WDR20: variants seen among roughly 807,000 people sequenced by gnomAD.
WDR20 encodes the protein WD repeat domain 20, also known as WD repeat-containing protein 20.
Under a neutral mutation model 38.7 loss-of-function variants are expected in WDR20, and 3 were observed. That is an observed-to-expected ratio of 0.08 (90% CI 0.04 to 0.20). The LOEUF (loss-of-function observed/expected upper bound fraction) is 0.20, where lower values mean the gene tolerates loss of function less well. WDR20 is among the 10% of genes least tolerant of loss of function. The pLI is 1.00. For missense variants in WDR20, 559 were observed against 727.7 expected (o/e 0.77, Z 2.67); for synonymous variants, 298 against 285.6 (o/e 1.04, Z -0.44).
intron 2 of WDR20, among the ~76,000 whole-genome samples, chr14:102,200,467 T>TTTTTTTTTGTGTGTGTG (rs748066838): frequency 8.5e-6 from 1 of 117,774 alleles, no homozygotes; most frequent in African/African-American, 3.1e-5. Context: ...ATTTTTTTTT[T>TTTTTTTTTGTGTGTGTG]TGTGTGTGTG....
chr14:102,168,987 T>C (rs2060304724), intron 1 of WDR20, among the ~76,000 whole-genome samples: 2 of 152,190 alleles, frequency 1.3e-5, no homozygotes, highest in African/African-American at 2.4e-5. Context: ...CTTAAAACTT[T>C]CTAATGTGTT....
rs2061887890 is a variant in WDR20, at chr14:102,208,095, G to T, written c.433-508G>T. On this transcript the variant is annotated intron_variant, in intron 2 of 2. Transcript: ENST00000342702. This position sits in a 1 kb window ranked among gnomAD's most constrained non-coding sequence, Gnocchi z 5.6. ...TCCCCACCTTCGAGCCGCCAGAGCA[G>T]AGGGGCAGATGGAACCAGCCCATTA... Among the ~76,000 whole-genome samples the T allele has an allele frequency of 6.6e-6, 1 of 152,244 alleles. No individual in the cohort carries two copies. Among genetic ancestry groups the T allele is most frequent in the Non-Finnish European group, 1.5e-5 (1 of 68,036 alleles).
At chr14:102,166,288 T>C (rs2059769731) in intron 1 of WDR20, among the ~76,000 whole-genome samples, 1 of 152,214 alleles carries the variant, frequency 6.6e-6, no homozygotes, top group Admixed American at 6.5e-5. Context: ...TTTTAACTGA[T>C]TAATTTATTT....
At chr14:102,155,406 G>A (rs906659187) in intron 1 of WDR20, among the ~76,000 whole-genome samples, 10 of 152,320 alleles carry the variant, frequency 6.6e-5, no homozygotes, top group Middle Eastern at 3.4e-3. Context: ...GGATAAGGGG[G>A]AACTGGGTAA....
At chr14:102,154,582 T>A (rs1217082103) in intron 1 of WDR20, among the ~76,000 whole-genome samples, 1 of 152,232 alleles carries the variant, frequency 6.6e-6, no homozygotes, top group Non-Finnish European at 1.5e-5. Flanking sequence ...TACTTATGTA[T>A]GCATTTGTCT....
At chr14:102,219,649 G>T (rs1212464151), downstream of WDR20, among the ~76,000 whole-genome samples, 1 of 152,244 alleles carries the variant, frequency 6.6e-6, no homozygotes, top group African/African-American at 2.4e-5. Context: ...AAGCACCCTG[G>T]GGTCCTCTTG....
intron 1 of WDR20, among the ~76,000 whole-genome samples, chr14:102,186,676 G>A (rs1156958958): frequency 6.6e-6 from 1 of 152,076 alleles, no homozygotes; most frequent in Admixed American, 6.5e-5. Flanking sequence ...CAAGGGCCGG[G>A]CGCAGTGGCT....
intron 2 of WDR20, among the ~76,000 whole-genome samples, chr14:102,198,912 G>A (rs2059852495): frequency 1.3e-5 from 2 of 152,184 alleles, no homozygotes; most frequent in South Asian, 4.1e-4. Flanking sequence ...CGAGAGACCT[G>A]TAGATAGTGG....
intron 1 of WDR20, among the ~76,000 whole-genome samples, chr14:102,179,376 A>G (rs924764957): frequency 1.3e-5 from 2 of 151,298 alleles, no homozygotes; most frequent in African/African-American, 2.4e-5. Flanking sequence ...TGAGGTGTAA[A>G]TTGGTATACT....
chr14:102,215,237 C>T (rs535217081), downstream of WDR20, among the ~76,000 whole-genome samples: 1 of 152,338 alleles, frequency 6.6e-6, no homozygotes, highest in African/African-American at 2.4e-5. Context: ...CTCCTCTGTG[C>T]CAACTCCAGT....
chr14:102,160,077 C>T (rs142925887), intron 1 of WDR20, among the ~76,000 whole-genome samples: 3 of 152,268 alleles, frequency 2.0e-5, no homozygotes, highest in Non-Finnish European at 4.4e-5. Context: ...GCACTCCACC[C>T]TGAGTAACAG....
chr14:102,160,510 A>G (rs10130656), intron 1 of WDR20, among the ~76,000 whole-genome samples: 15,528 of 152,110 alleles, frequency 0.1, 1,953 homozygotes, highest in African/African-American at 0.29. Flanking sequence ...TTTCTGCTTA[A>G]TGATCTATAT....
intron 1 of WDR20, among the ~76,000 whole-genome samples, chr14:102,162,230 A>C (rs191926659): frequency 1.3e-3 from 193 of 152,318 alleles, no homozygotes; most frequent in Admixed American, 2.6e-3. Context: ...TACAGCAGGG[A>C]ATACAACACA....
At chr14:102,182,694 C>T (rs7152614) in intron 1 of WDR20, among the ~76,000 whole-genome samples, 1 of 151,178 alleles carries the variant, frequency 6.6e-6, no homozygotes, top group Non-Finnish European at 1.5e-5. Flanking sequence ...TTATTTTTTT[C>T]TATTAAAAAA....
In WDR20 at chr14:102,210,306, G is replaced by T; in HGVS notation, c.*426G>T. 1.0e-6 allele frequency: 1 copy of T among 988,152 alleles called. No homozygotes were observed. Among genetic ancestry groups the T allele is most frequent in the Non-Finnish European group, 1.2e-6 (1 of 831,626 alleles). 61.2% of individuals were successfully genotyped at this position (988,152 alleles called of 1,614,324 possible). ...GATCAATGTGTGTTCAGCACAGATGGCCATGAATTGTCATTTATAGTCCAA... is the reference window on the plus strand; with the variant it reads ...GATCAATGTGTGTTCAGCACAGATGTCCATGAATTGTCATTTATAGTCCAA... On this transcript the variant is annotated 3_prime_UTR_variant, in exon 3 of 3. Transcript: ENST00000342702.
rs1348587458 is a variant in WDR20, at chr14:102,204,018, AAGTTAAATGACTGTGCTTCCCAC to A, written c.433-4583_433-4561del. 1.1e-4 allele frequency among the ~76,000 whole-genome samples: 16 copies of A among 152,328 alleles called. 1 individual carries two copies. The highest frequency in any genetic ancestry group is 3.3e-4 in the Admixed American group (5 of 15,300). ...CAATCCAAATAAGCCAGAGTCATGT[AAGTTAAATGACTGTGCTTCCCAC>A]ACTGGCCTGGGGTCTGAGACAGGCT... On this transcript the variant is annotated intron_variant, in intron 2 of 2. Coordinates refer to ENST00000342702, the MANE Select transcript of WDR20 (RefSeq NM_144574.4).
At chr14:102,186,834 C>T (rs1408266535) in intron 1 of WDR20, among the ~76,000 whole-genome samples, 2 of 151,926 alleles carry the variant, frequency 1.3e-5, no homozygotes, top group African/African-American at 4.8e-5. Flanking sequence ...CCTGTAGTCC[C>T]AGCTACTCGG....
At chr14:102,189,346 A>G (rs543695039) in intron 1 of WDR20, among the ~76,000 whole-genome samples, 1 of 152,316 alleles carries the variant, frequency 6.6e-6, no homozygotes, top group South Asian at 2.1e-4. Context: ...TATCACTTAA[A>G]ATTTTTCTAT....
intron 1 of WDR20, among the ~76,000 whole-genome samples, chr14:102,185,818 A>G (rs2064541277): frequency 6.6e-6 from 1 of 151,374 alleles, no homozygotes; most frequent in Admixed American, 6.6e-5. Flanking sequence ...CCATCTCAAA[A>G]AAAAAAAAAA....
Sources: allele counts gnomAD v4.1 joint callset (sites outside exome capture counted in the v4.1 genomes callset), GRCh38; gene constraint gnomAD v4.1.1; non-coding constraint Gnocchi (gnomAD v3.1); transcripts MANE v1.5; gene names NCBI Gene and HGNC (gene_info 2026-07-23, HGNC 2026-07-21).